TRPC5: variants seen among roughly 807,000 people sequenced by gnomAD.
The protein encoded by TRPC5 is short transient receptor potential channel 5.
TRPC5 carries 9 observed loss-of-function variants against 56.5 expected under a neutral mutation model. The observed-to-expected ratio is 0.16, with a 90% CI of 0.10 to 0.28. The LOEUF is 0.28. TRPC5 is among the 10% of genes least tolerant of loss of function. TRPC5 has a pLI of 1.00. For synonymous variants in TRPC5, 282 were observed against 278.5 expected (o/e 1.01, Z -0.13); for missense variants, 469 against 748.9 (o/e 0.63, Z 4.36).
chrX:111,917,056 T>C (rs772108742), intron 2 of TRPC5, among the ~76,000 whole-genome samples: 17 of 112,916 alleles, frequency 1.5e-4, no homozygotes, highest in Non-Finnish European at 2.2e-4. Context: ...GTTGATTAGC[T>C]TGGCCACAGT....
intron 1 of TRPC5, among the ~76,000 whole-genome samples, chrX:112,064,034 T>C (rs1305807729): frequency 1.8e-5 from 2 of 111,838 alleles, no homozygotes; most frequent in African/African-American, 3.3e-5. Flanking sequence ...CCCCCAAACA[T>C]GTGCACAATC....
chrX:111,916,796 G>T (rs1012124179), intron 2 of TRPC5, among the ~76,000 whole-genome samples: 2 of 112,323 alleles, frequency 1.8e-5, no homozygotes, highest in Admixed American at 9.4e-5. Flanking sequence ...ATAAACGTTG[G>T]CTCAAAAATT....
chrX:111,918,540 T>C, intron 2 of TRPC5, among the ~76,000 whole-genome samples: 1 of 110,545 alleles, frequency 9.0e-6, no homozygotes, highest in Non-Finnish European at 1.9e-5. Flanking sequence ...GCTTTGACAG[T>C]CCAGATGTGG....
At position 111,997,142 on chromosome X, in the gene TRPC5, G is replaced by T. The variant is rs1302499006; in HGVS notation, c.-21-44701C>A. Reference sequence around the variant, plus strand: ...ATTTTTGCAGTGGCTGGTACCGGTTGTTTCTTTCTATGTTTAGTGCTTCCT... The same window carrying T: ...ATTTTTGCAGTGGCTGGTACCGGTTTTTTCTTTCTATGTTTAGTGCTTCCT... On this transcript the variant is annotated intron_variant, in intron 1 of 10. Transcript: ENST00000262839. Among the ~76,000 whole-genome samples, 5 of 111,859 alleles carry T rather than the reference G, an allele frequency of 4.5e-5. No homozygotes were observed. In the East Asian group the frequency reaches 1.1e-3, roughly 25 times the overall value.
At chrX:111,889,928 C>T (rs373779794) in intron 3 of TRPC5, among the ~76,000 whole-genome samples, 21 of 110,848 alleles carry the variant, frequency 1.9e-4, no homozygotes, top group African/African-American at 6.9e-4. Context: ...ACTGTAGGAA[C>T]ACTCTGGGAA....
chrX:111,830,421 T>C (rs1289021159), intron 7 of TRPC5, among the ~76,000 whole-genome samples: 1 of 111,879 alleles, frequency 8.9e-6, no homozygotes, highest in Non-Finnish European at 1.9e-5. Flanking sequence ...GTTTTAAAAA[T>C]GTAAGGTCAT....
chrX:111,810,265 C>T (rs2148564970), intron 7 of TRPC5, among the ~76,000 whole-genome samples: 1 of 111,148 alleles, frequency 9.0e-6, no homozygotes, highest in East Asian at 2.8e-4. Flanking sequence ...AGCCCACACT[C>T]ATGGGGAGAG....
chrX:111,825,799 G>A (rs1922215936), intron 7 of TRPC5, among the ~76,000 whole-genome samples: 1 of 111,691 alleles, frequency 9.0e-6, no homozygotes, highest in Non-Finnish European at 1.9e-5. Context: ...GGGCCAAGTA[G>A]GGAGGAGATG....
rs769720783 is a variant in TRPC5, at chrX:111,835,129, A to G, written c.1701-13T>C. ...AGTCTCAAAGAGCCTAAAAGAGATCAAAGAGCAGGTTAGTTAATTCTTTAA... is the reference window on the plus strand; with the variant it reads ...AGTCTCAAAGAGCCTAAAAGAGATCGAAGAGCAGGTTAGTTAATTCTTTAA... On this transcript the variant is annotated splice_polypyrimidine_tract_variant and intron_variant, in intron 6 of 10. Coordinates refer to ENST00000262839, the MANE Select transcript of TRPC5 (RefSeq NM_012471.3). 1 of 1,169,449 alleles carries G rather than the reference A, an allele frequency of 8.6e-7. No individual in the cohort carries two copies. The highest frequency in any genetic ancestry group is 1.1e-6 in the Non-Finnish European group (1 of 870,943).
At chrX:112,054,449 G>T (rs1173804779) in intron 1 of TRPC5, among the ~76,000 whole-genome samples, 2 of 110,947 alleles carry the variant, frequency 1.8e-5, no homozygotes, top group African/African-American at 6.6e-5. Flanking sequence ...GTAATAGGGA[G>T]CCACTCTACA....
chrX:111,804,222 G>A (rs1171666702), intron 7 of TRPC5, among the ~76,000 whole-genome samples: 1 of 111,902 alleles, frequency 8.9e-6, no homozygotes, highest in African/African-American at 3.3e-5. Flanking sequence ...CTCTGTTTTG[G>A]TACCAGTGCT....
At chrX:111,971,427 G>A (rs1327490140) in intron 1 of TRPC5, among the ~76,000 whole-genome samples, 1 of 111,243 alleles carries the variant, frequency 9.0e-6, no homozygotes, top group Non-Finnish European at 1.9e-5. Flanking sequence ...CTGGGGCGGG[G>A]GCAATCCAAG....
intron 1 of TRPC5, among the ~76,000 whole-genome samples, chrX:112,067,422 G>A (rs1313237773): frequency 8.9e-6 from 1 of 112,371 alleles, no homozygotes; most frequent in African/African-American, 3.2e-5. Flanking sequence ...TTTATTCCTC[G>A]AGACAACTAT....
At position 111,851,348 on chromosome X, in the gene TRPC5, A is replaced by G. The variant is rs1208418410; in HGVS notation, c.1377+950T>C. Among the ~76,000 whole-genome samples, 45 of 111,731 alleles carry G rather than the reference A, an allele frequency of 4.0e-4. No individual in the cohort carries two copies. The Admixed American group carries it at 4.3e-3, about 11-fold the overall frequency. On this transcript the variant is annotated intron_variant, in intron 5 of 10. Transcript: ENST00000262839. Reference sequence around the variant, plus strand: ...GAGACTGAATTGTCAGCCTTTTCTCATGGAGAAGTTTAACTCAGGCTACAA... The same window carrying G: ...GAGACTGAATTGTCAGCCTTTTCTCGTGGAGAAGTTTAACTCAGGCTACAA...
At position 111,779,066 on chromosome X, in the gene TRPC5, G is replaced by C; in HGVS notation, c.2151C>G (p.Ile717Met). The change falls in exon 10 of 11, where the codon ATC becomes ATG. Residue 717 changes from isoleucine (I) to methionine (M), a missense_variant. Physicochemically the swap from Ile to Met is conservative, Grantham distance 10. Coordinates refer to ENST00000262839, the MANE Select transcript of TRPC5 (RefSeq NM_012471.3). The part of the protein sequence containing the change: ...LIQNQHYQEV[I>M]RNLVKRYVAA... ...CCACATATCTTTTGACTAAATTCCT[G>C]ATAACTTCCTGGAATTACAAAACAT... is the stretch of plus-strand genomic sequence containing the variant. 1 of 1,193,549 alleles carries C rather than the reference G, an allele frequency of 8.4e-7. No homozygotes were observed. The highest frequency in any genetic ancestry group is 1.1e-6 in the Non-Finnish European group (1 of 883,435).
intron 7 of TRPC5, among the ~76,000 whole-genome samples, chrX:111,790,360 G>A (rs1946009251): frequency 9.0e-6 from 1 of 110,980 alleles, no homozygotes; most frequent in Non-Finnish European, 1.9e-5. Flanking sequence ...ATTGAACAAT[G>A]AGATCACTTG....
intron 1 of TRPC5, among the ~76,000 whole-genome samples, chrX:112,049,834 C>A (rs1363953907): frequency 5.4e-5 from 6 of 111,269 alleles, no homozygotes; most frequent in African/African-American, 1.6e-4. Flanking sequence ...TAAAAAATCC[C>A]ACCATTTACT....
intron 1 of TRPC5, among the ~76,000 whole-genome samples, chrX:111,974,845 T>C (rs1217004980): frequency 8.9e-6 from 1 of 111,883 alleles, no homozygotes; most frequent in Non-Finnish European, 1.9e-5. Flanking sequence ...AAAATTGTTT[T>C]TAAAATAATT....
chrX:111,969,006 A>G (rs867125714), intron 1 of TRPC5, among the ~76,000 whole-genome samples: 2 of 93,496 alleles, frequency 2.1e-5, no homozygotes, highest in Non-Finnish European at 4.1e-5. Flanking sequence ...AAAATAAAAT[A>G]AAATAAAATA....
Sources: allele counts gnomAD v4.1 joint callset (sites outside exome capture counted in the v4.1 genomes callset), GRCh38; gene constraint gnomAD v4.1.1; transcripts MANE v1.5; gene names NCBI Gene and HGNC (gene_info 2026-07-23, HGNC 2026-07-21).